The following ARHGEF17 variants were observed in gnomAD, a reference collection of about 807,000 sequenced individuals.
ARHGEF17 encodes Rho guanine nucleotide exchange factor 17, also known as 164 kDa Rho-specific guanine-nucleotide exchange factor.
A neutral mutation model predicts 174.0 loss-of-function variants in ARHGEF17; 80 were observed. That is an observed-to-expected ratio of 0.46 (90% confidence interval 0.38 to 0.55). ARHGEF17 has a LOEUF of 0.55. Among genes scored for constraint, ARHGEF17 ranks in the 20% least tolerant of loss-of-function variants. The pLI is 0.00. For missense variants in ARHGEF17, 2,886 were observed against 2,839.7 expected, an observed-to-expected ratio of 1.02 and a Z score of -0.37; for synonymous variants, 1,311 against 1,189.1, an observed-to-expected ratio of 1.10 and a Z score of -2.11.
At chr11:73,353,105 C>A in intron 3 of ARHGEF17, 93 bp downstream of exon 3, 2 of 1,479,438 alleles carry the variant, frequency 1.4e-6, no homozygotes, top group East Asian at 4.6e-5. Flanking sequence ...CCCATCCCAC[C>A]TGGATACTGA....
chr11:73,314,521 G>A (rs1028805598), intron 1 of ARHGEF17, among the ~76,000 whole-genome samples: 3 of 152,222 alleles, frequency 2.0e-5, no homozygotes, highest in Non-Finnish European at 4.4e-5. Context: ...AGACTGCCTG[G>A]TCTGTGAGGC....
intron 16 of ARHGEF17, 148 bp downstream of exon 16, chr11:73,363,981 C>T: frequency 9.2e-7 from 1 of 1,087,698 alleles, no homozygotes; most frequent in Non-Finnish European, 1.3e-6. Context: ...AGCTGTGCCT[C>T]TTACACACTG....
chr11:73,365,550 A>C lies in ARHGEF17; in HGVS notation c.5711A>C (p.His1904Pro), dbSNP rs1315678946. 1 of 1,614,182 alleles carries C rather than the reference A, an allele frequency of 6.2e-7. No individual in the cohort carries two copies. Among genetic ancestry groups the C allele is most frequent in the Non-Finnish European group, 8.5e-7 (1 of 1,180,036 alleles). The change falls in exon 19 of 21, where the codon CAC becomes CCC. Residue 1904 changes from histidine (H) to proline (P), a missense_variant. His to Pro is a moderately conservative substitution (Grantham distance 77). This residue lies in a region of ARHGEF17 where 329 missense variants were observed against 435.2 expected (regional missense o/e 0.76). Coordinates refer to ENST00000263674, the MANE Select transcript of ARHGEF17 (RefSeq NM_014786.4). This position sits in a 1 kb window ranked among gnomAD's most constrained non-coding sequence, Gnocchi z 4.9. Reference sequence around the variant, plus strand: ...GAAGTAGACGTCACTCCTCCCGTGCACAGGATGCTGGCAGGTACTGACCTC... The same window carrying C: ...GAAGTAGACGTCACTCCTCCCGTGCCCAGGATGCTGGCAGGTACTGACCTC... ...LAEVDVTPPV[H>P]RMLAGSDAII...
At chr11:73,355,677 A>ATCC (rs1347869188) in intron 4 of ARHGEF17, 28 bp downstream of exon 4, 2 of 1,603,398 alleles carry the variant, frequency 1.2e-6, no homozygotes, top group Non-Finnish European at 1.7e-6. Flanking sequence ...AGGGGGATGG[A>ATCC]GGTGACCCTC....
At chr11:73,347,047 C>A in intron 2 of ARHGEF17, 87 bp downstream of exon 2, 1 of 1,299,580 alleles carries the variant, frequency 7.7e-7, no homozygotes, top group Admixed American at 2.0e-5. Flanking sequence ...CTTTCATGGA[C>A]AAGGGACTGA....
chr11:73,356,217 C>G lies in ARHGEF17; in HGVS notation c.3706C>G (p.Leu1236Val), dbSNP rs1434508325. 1 of 1,614,054 alleles carries G rather than the reference C, an allele frequency of 6.2e-7. No individual in the cohort carries two copies. ...HTPEDHPDHP[L>V]LLEAQRNIKQ... Reference sequence around the variant, plus strand: ...ACCTGAGGACCACCCGGACCATCCACTCCTGCTGGAGGCGCAGCGGAACAT... The same window carrying G: ...ACCTGAGGACCACCCGGACCATCCAGTCCTGCTGGAGGCGCAGCGGAACAT... Residue 1236 changes from leucine to valine, a missense_variant, in exon 6 of 21, where the codon CTC becomes GTC. Around this residue, in one of 4 missense-constraint regions of ARHGEF17, gnomAD observed 353 missense variants for 470.3 expected, o/e 0.75. Coordinates refer to ENST00000263674, the MANE Select transcript of ARHGEF17 (RefSeq NM_014786.4).
rs1864789323 is a variant in ARHGEF17, at chr11:73,310,149, G to T, written c.1511G>T (p.Gly504Val). ...GACCGTGGAAGCAACCCCCTAGATG[G>T]CAGAGACTCACCATCCGCAGGTGGC... ...SGDRGSNPLD[G>V]RDSPSAGGPV... The change falls in exon 1 of 21, where the codon GGC becomes GTC. Residue 504 changes from glycine (G) to valine (V), a missense_variant. Gly to Val is a moderately radical substitution (Grantham distance 109). Coordinates refer to ENST00000263674, the MANE Select transcript of ARHGEF17 (RefSeq NM_014786.4). The T allele has an allele frequency of 6.2e-7, 1 of 1,613,968 alleles. No homozygotes were observed. Among genetic ancestry groups the T allele is most frequent in the Admixed American group, 1.7e-5 (1 of 60,028 alleles).
At position 73,364,155 on chromosome 11, in the gene ARHGEF17, C is replaced by A. The variant is rs757135259; in HGVS notation, c.5334-17C>A. Reference sequence around the variant, plus strand: ...GCTGCCTGAACTCCCTTACTGCTTCCTCTTTTCCCTACCCAGGTATCTGAA... The same window carrying A: ...GCTGCCTGAACTCCCTTACTGCTTCATCTTTTCCCTACCCAGGTATCTGAA... On this transcript the variant is annotated splice_polypyrimidine_tract_variant and intron_variant, in intron 16 of 20. Coordinates refer to ENST00000263674, the MANE Select transcript of ARHGEF17 (RefSeq NM_014786.4). 2 of 1,613,958 alleles carry A rather than the reference C, an allele frequency of 1.2e-6. No individual in the cohort carries two copies. Among genetic ancestry groups the A allele is most frequent in the East Asian group, 4.5e-5 (2 of 44,874 alleles).
chr11:73,362,397 C>G, intron 13 of ARHGEF17, 36 bp from the exon 14 acceptor site: 1 of 1,499,014 alleles, frequency 6.7e-7, no homozygotes, highest in East Asian at 2.3e-5. Context: ...CCGTCTGGCT[C>G]GTAGCTGCTG....
At position 73,367,589 on chromosome 11, in the gene ARHGEF17, G is replaced by A. The variant is rs546120545; in HGVS notation, c.6001G>A (p.Glu2001Lys). ...TPPPPPDTGP[E>K]KLPSLEHRDS... is the part of the protein sequence containing the mutation. ...ATCCTCCCCTCTGCCCCCAGGCCCC[G>A]AGAAGCTGCCATCACTGGAGCACCG... The change falls in exon 21 of 21, where the codon GAG (glutamate) becomes AAG (lysine). Residue 2001 changes from glutamate (E) to lysine (K), a missense_variant. This residue lies in a region of ARHGEF17 where 329 missense variants were observed against 435.2 expected (regional missense o/e 0.76). Transcript: ENST00000263674. The A allele has an allele frequency of 5.0e-6, 8 of 1,610,584 alleles. No homozygotes were observed. Among genetic ancestry groups the A allele is most frequent in the Admixed American group, 1.7e-5 (1 of 59,916 alleles).
chr11:73,359,917 A>G lies in ARHGEF17; in HGVS notation c.4171A>G (p.Ser1391Gly). ...GGACCTCACCACCCTGGGCCAAATG[A>G]GCAAGCTCTCTGAGAGCCTTGGTTT... ...DEDLTTLGQMSKLSESLGFPH... is the reference protein window; with the variant it reads ...DEDLTTLGQMGKLSESLGFPH... The change falls in exon 10 of 21, where the codon AGC (serine) becomes GGC (glycine). Residue 1391 changes from serine to glycine, a missense_variant. By Grantham distance (56) the Ser-to-Gly change is moderately conservative. Coordinates refer to ENST00000263674, the MANE Select transcript of ARHGEF17 (RefSeq NM_014786.4). 6.2e-7 allele frequency: 1 copy of G among 1,612,844 alleles called. No homozygotes were observed. Among genetic ancestry groups the G allele is most frequent in the Non-Finnish European group, 8.5e-7 (1 of 1,179,476 alleles).
At chr11:73,318,541 G>T (rs1864965499) in intron 1 of ARHGEF17, among the ~76,000 whole-genome samples, 2 of 152,214 alleles carry the variant, frequency 1.3e-5, no homozygotes, top group African/African-American at 4.8e-5. Context: ...GAGGTGGGAG[G>T]ATGGCTTGAG....
intron 10 of ARHGEF17, 129 bp downstream of exon 10, chr11:73,360,081 C>T (rs1235166552): frequency 5.0e-6 from 5 of 1,003,810 alleles, no homozygotes; most frequent in East Asian, 2.5e-5. Context: ...AGGCAAAAAT[C>T]GCAGCCTCCC....
At chr11:73,359,984 A>G in intron 10 of ARHGEF17, 32 bp downstream of exon 10, 1 of 1,550,446 alleles carries the variant, frequency 6.4e-7, no homozygotes, top group Non-Finnish European at 8.7e-7. Flanking sequence ...CTGGGGAGCC[A>G]GAGGGTGGGA....
intron 1 of ARHGEF17, among the ~76,000 whole-genome samples, chr11:73,330,805 C>T (rs367806459): frequency 1.0e-3 from 158 of 152,346 alleles, no homozygotes; most frequent in African/African-American, 3.7e-3. Flanking sequence ...CTAGCGCCCA[C>T]TCAGGCTTGG....
rs781426389 is a variant in ARHGEF17 at position 73,360,512 on chromosome 11, G to A, written c.4399G>A (p.Asp1467Asn). 2.6e-5 allele frequency: 42 copies of A among 1,613,766 alleles called. No individual in the cohort carries two copies. Among genetic ancestry groups the A allele is most frequent in the South Asian group, 2.5e-4 (23 of 91,088 alleles). The change falls in exon 11 of 21, where the codon GAT becomes AAT. Residue 1467 changes from aspartate (D) to asparagine (N), a missense_variant. By Grantham distance (23) the Asp-to-Asn change is conservative. Coordinates refer to ENST00000263674, the MANE Select transcript of ARHGEF17 (RefSeq NM_014786.4). ...DARLGFEQAFDEAKRKLASSK... is the reference protein window; with the variant it reads ...DARLGFEQAFNEAKRKLASSK... Reference sequence around the variant, plus strand: ...CCGCCTTGGTTTTGAACAGGCCTTCGATGAGGCCAAGAGGAAGCTGGGTAA... The same window carrying A: ...CCGCCTTGGTTTTGAACAGGCCTTCAATGAGGCCAAGAGGAAGCTGGGTAA...
chr11:73,360,366 A>G lies in ARHGEF17; in HGVS notation c.4253A>G (p.Asp1418Gly), dbSNP rs757990056. The change falls in exon 11 of 21, where the codon GAC becomes GGC. Residue 1418 changes from aspartate (D) to glycine (G), a missense_variant. Physicochemically the swap from Asp to Gly is moderately conservative, Grantham distance 94. Transcript: ENST00000263674. ...LRDLSAAMHR[D>G]LSEKQALCYA... ...GACCTCTCAGCTGCCATGCACCGGG[A>G]CCTGTCGGAGAAGCAGGCGCTGTGC... The G allele has an allele frequency of 6.2e-7, 1 of 1,613,852 alleles. No homozygotes were observed. The highest frequency in any genetic ancestry group is 8.5e-7 in the Non-Finnish European group (1 of 1,180,040).
rs1865757284 is a variant in ARHGEF17 at position 73,362,370 on chromosome 11, T to G, written c.4695-63T>G. 3 of 1,461,616 alleles carry G rather than the reference T, an allele frequency of 2.1e-6. No individual in the cohort carries two copies. In the East Asian group the frequency reaches 7.2e-5, roughly 35 times the overall value. 90.5% of individuals were successfully genotyped at this position (1,461,616 alleles called of 1,614,324 possible). On this transcript the variant is annotated intron_variant, in intron 13 of 20. Transcript: ENST00000263674. The stretch of plus-strand genomic sequence containing the variant: ...CGAGTGTGGGCGGGGTCGGTGGGCG[T>G]GTCCACCACCGGGGCCCCGTCTGGC...
intron 2 of ARHGEF17, among the ~76,000 whole-genome samples, chr11:73,351,425 T>A (rs1029707689): frequency 2.0e-5 from 3 of 152,038 alleles, no homozygotes; most frequent in Admixed American, 6.6e-5. Context: ...TAGGGGAACA[T>A]CTTTGCACGT....
Sources: gnomAD v4.1 joint callset for allele counts (sites outside exome capture counted in the v4.1 genomes callset) on GRCh38, gnomAD v4.1.1 for gene constraint, gnomAD v4.1.1 regional missense constraint, Gnocchi (gnomAD v3.1) non-coding constraint, MANE v1.5 for transcripts, NCBI Gene and HGNC (gene_info 2026-07-23, HGNC 2026-07-21) for gene names.